The following LUZP2 variants were observed in gnomAD, a reference collection of about 807,000 sequenced individuals.
LUZP2 encodes the protein leucine zipper protein 2.
A neutral mutation model predicts 51.6 loss-of-function variants in LUZP2; 52 were observed. That is an observed-to-expected ratio of 1.01 (90% CI 0.81 to 1.27). The LOEUF (loss-of-function observed/expected upper bound fraction) is 1.27. LUZP2 is among the 50% of genes most tolerant of loss of function. The pLI, the probability that LUZP2 is intolerant of heterozygous loss-of-function variation, is 0.00. For missense variants in LUZP2, 436 were observed against 395.4 expected (o/e 1.10, Z -0.87); for synonymous variants, 154 against 137.3 (o/e 1.12, Z -0.85).
At chr11:24,893,884 A>G (rs971314862) in intron 5 of LUZP2, among the ~76,000 whole-genome samples, 12 of 152,168 alleles carry the variant, frequency 7.9e-5, no homozygotes, top group Non-Finnish European at 1.8e-4. Context: ...ACAATTTAAT[A>G]TGAGCATCCA....
At chr11:25,024,674 T>G (rs900950250) in intron 9 of LUZP2, among the ~76,000 whole-genome samples, 12 of 152,260 alleles carry the variant, frequency 7.9e-5, no homozygotes, top group Admixed American at 5.2e-4. Context: ...GAACATTCCA[T>G]GCTCATGGAT....
chr11:24,807,249 G>T (rs1351537670), intron 5 of LUZP2, among the ~76,000 whole-genome samples: 2 of 151,956 alleles, frequency 1.3e-5, no homozygotes, highest in Non-Finnish European at 2.9e-5. Context: ...GATCACCTGA[G>T]GTCAGGATTT....
intron 5 of LUZP2, among the ~76,000 whole-genome samples, chr11:24,773,074 C>G (rs1305786240): frequency 9.5e-6 from 1 of 105,376 alleles, no homozygotes; most frequent in Non-Finnish European, 2.1e-5. Flanking sequence ...TCCTCATAAA[C>G]AGTGTAGTTT....
chr11:24,527,575 A>T (rs1391600940), intron 1 of LUZP2, among the ~76,000 whole-genome samples: 10 of 142,510 alleles, frequency 7.0e-5, no homozygotes, highest in African/African-American at 1.7e-4. Flanking sequence ...TCTCACACAC[A>T]CACACACACA....
intron 5 of LUZP2, among the ~76,000 whole-genome samples, chr11:24,774,362 C>CTCTCTCTCTCTCTCTCTCTATATATA (rs776739280): frequency 6.5e-5 from 5 of 76,342 alleles, no homozygotes; most frequent in Admixed American, 5.9e-4. Flanking sequence ...CTCTCTCTCT[C>CTCTCTCTCTCTCTCTCTCTATATATA]TATATATATA....
At chr11:24,576,445 C>G (rs1221974081) in intron 1 of LUZP2, among the ~76,000 whole-genome samples, 4 of 141,264 alleles carry the variant, frequency 2.8e-5, no homozygotes, top group Non-Finnish European at 4.6e-5. Flanking sequence ...GGAAAAAATA[C>G]TAACTTATCA....
At chr11:24,920,830 A>T (rs900827862) in intron 7 of LUZP2, among the ~76,000 whole-genome samples, 12 of 152,148 alleles carry the variant, frequency 7.9e-5, no homozygotes, top group African/African-American at 2.7e-4. Flanking sequence ...ATGAGAAATT[A>T]TTTAATGTGT....
intron 9 of LUZP2, among the ~76,000 whole-genome samples, chr11:25,041,177 G>A (rs949418522): frequency 6.6e-6 from 1 of 152,048 alleles, no homozygotes; most frequent in African/African-American, 2.4e-5. Context: ...CCAAGACCTT[G>A]ACTGGATGCC....
At chr11:25,054,100 C>T (rs941299974) in intron 10 of LUZP2, among the ~76,000 whole-genome samples, 20 of 152,160 alleles carry the variant, frequency 1.3e-4, no homozygotes, top group Admixed American at 6.5e-5. Flanking sequence ...GCAGCTTTCA[C>T]TTAGGTAGCT....
At chr11:24,902,694 G>C (rs1265492917) in intron 5 of LUZP2, among the ~76,000 whole-genome samples, 3 of 152,086 alleles carry the variant, frequency 2.0e-5, no homozygotes, top group Non-Finnish European at 4.4e-5. Context: ...GAAATAAATA[G>C]TATGCTAAAA....
intron 1 of LUZP2, among the ~76,000 whole-genome samples, chr11:24,602,171 T>TATATGTGTATATATGTATATATGTAC (rs1565020601): frequency 2.7e-5 from 2 of 74,932 alleles, no homozygotes; most frequent in African/African-American, 1.2e-4. Flanking sequence ...TATATGTGTA[T>TATATGTGTATATATGTATATATGTAC]ATATATGTGT....
At chr11:24,980,292 CT>C (rs1855990325) in intron 8 of LUZP2, among the ~76,000 whole-genome samples, 1 of 147,602 alleles carries the variant, frequency 6.8e-6, no homozygotes, top group Non-Finnish European at 1.5e-5. Context: ...TGCATTTTTT[CT>C]GAGAAAAGTA....
At chr11:24,926,289 G>A (rs1006310378) in intron 7 of LUZP2, among the ~76,000 whole-genome samples, 11 of 119,730 alleles carry the variant, frequency 9.2e-5, no homozygotes, top group South Asian at 5.0e-4. Flanking sequence ...ATATATATAC[G>A]TGTGTATATA....
At chr11:24,540,272 TTTG>T (rs1851317087) in intron 1 of LUZP2, among the ~76,000 whole-genome samples, 1 of 152,080 alleles carries the variant, frequency 6.6e-6, no homozygotes, top group African/African-American at 2.4e-5. Flanking sequence ...AGATTGAATG[TTTG>T]TTATGTCTCT....
intron 4 of LUZP2, among the ~76,000 whole-genome samples, chr11:24,755,266 C>A (rs1187872879): frequency 6.6e-6 from 1 of 152,150 alleles, no homozygotes; most frequent in East Asian, 1.9e-4. Flanking sequence ...ACAATTTCTT[C>A]GCACTTCGCA....
At position 24,763,259 on chromosome 11, in the gene LUZP2, A is replaced by C; in HGVS notation, c.347A>C (p.Lys116Thr). ...ATTCATTTTCAGATTAATTTTTTAA[A>C]GACTGAAGTTGAAAGAAAGAGCAAA... is the stretch of plus-strand genomic sequence containing the variant. ...EKHQATINFL[K>T]TEVERKSKMI... The change falls in exon 5 of 12, where the codon AAG becomes ACG. Residue 116 changes from lysine to threonine, a missense_variant. Physicochemically the swap from Lys to Thr is moderately conservative, Grantham distance 78. Coordinates refer to ENST00000336930, the MANE Select transcript of LUZP2 (RefSeq NM_001009909.4). The C allele has an allele frequency of 7.2e-7, 1 of 1,388,132 alleles. No homozygotes were observed. The highest frequency in any genetic ancestry group is 9.6e-7 in the Non-Finnish European group (1 of 1,046,154). 86.0% of individuals were successfully genotyped at this position (1,388,132 alleles called of 1,614,324 possible). A position where few individuals can be genotyped will look rare whatever the true frequency, so the allele number is the denominator to read the frequency against.
chr11:25,076,072 G>A (rs904284244), intron 10 of LUZP2, among the ~76,000 whole-genome samples: 1 of 151,980 alleles, frequency 6.6e-6, no homozygotes, highest in Non-Finnish European at 1.5e-5. Flanking sequence ...GAGTGCAGTG[G>A]CATGATCACA....
intron 7 of LUZP2, among the ~76,000 whole-genome samples, chr11:24,930,289 A>G (rs1281281635): frequency 6.6e-6 from 1 of 152,044 alleles, no homozygotes; most frequent in Non-Finnish European, 1.5e-5. Context: ...TTGCCTGAAT[A>G]CGTTTTTTTT....
At chr11:24,838,458 A>G (rs1294981350) in intron 5 of LUZP2, among the ~76,000 whole-genome samples, 2 of 151,664 alleles carry the variant, frequency 1.3e-5, no homozygotes, top group Non-Finnish European at 3.0e-5. Context: ...GATTCTAAAC[A>G]CAGCATTGTT....
Sources: allele counts gnomAD v4.1 joint callset (sites outside exome capture counted in the v4.1 genomes callset), GRCh38; gene constraint gnomAD v4.1.1; transcripts MANE v1.5; gene names NCBI Gene and HGNC (gene_info 2026-07-23, HGNC 2026-07-21).